ETHE1: variants seen among roughly 807,000 people sequenced by gnomAD.
ETHE1 encodes the protein ETHE1 persulfide dioxygenase, also known as persulfide dioxygenase ETHE1, mitochondrial.
ETHE1 carries 16 observed loss-of-function variants against 25.7 expected under a neutral mutation model. The ratio of observed to expected loss-of-function variants is 0.62; its 90% CI spans 0.42 to 0.95. The LOEUF is 0.95. ETHE1 is among the 40% of genes least tolerant of loss of function. The pLI, the probability that ETHE1 is intolerant of heterozygous loss-of-function variation, is 0.00. For synonymous variants in ETHE1, 139 were observed against 135.9 expected (o/e 1.02, Z -0.16); for missense variants, 300 against 333.6 (o/e 0.90, Z 0.79).
intron 3 of ETHE1, among the ~76,000 whole-genome samples, chr19:43,512,133 A>C (rs1971931196): frequency 6.6e-6 from 1 of 152,172 alleles, no homozygotes; most frequent in Non-Finnish European, 1.5e-5. Flanking sequence ...TTTTCTTTAT[A>C]AATGACCCAG....
Position 43,527,115 on chromosome 19 carries a change from G to A in ETHE1, c.63C>T (p.Ala21=). The A allele has an allele frequency of 6.4e-7, 1 of 1,557,524 alleles. No homozygotes were observed. Among genetic ancestry groups the A allele is most frequent in the Non-Finnish European group, 8.7e-7 (1 of 1,154,402 alleles). The change falls in exon 1 of 7, where the codon GCC becomes GCT. Residue 21 remains alanine, a synonymous_variant. Transcript: ENST00000292147. Reference sequence around the variant, plus strand: ...CCCGCACCTGCCGCAGGAGGATGGGGGCTCCAGACCCGCCGCGCTGGCTCA... The same window carrying A: ...CCCGCACCTGCCGCAGGAGGATGGGAGCTCCAGACCCGCCGCGCTGGCTCA... ...RQLSQRGGSG[A]PILLRQMFEP...
chr19:43,524,336 G>C (rs1421573310), intron 3 of ETHE1, among the ~76,000 whole-genome samples: 1 of 146,746 alleles, frequency 6.8e-6, no homozygotes. Context: ...AGTAAACCAA[G>C]ATCGCACCAC....
At chr19:43,511,999 C>T (rs1208530006) in intron 3 of ETHE1, among the ~76,000 whole-genome samples, 1 of 152,102 alleles carries the variant, frequency 6.6e-6, no homozygotes, top group African/African-American at 2.4e-5. Context: ...TTATAAAGGG[C>T]AGTTCCCCTG....
chr19:43,517,269 C>T (rs372605942), intron 3 of ETHE1, among the ~76,000 whole-genome samples: 7 of 148,904 alleles, frequency 4.7e-5, no homozygotes, highest in South Asian at 4.4e-4. Context: ...GATGAGTTTG[C>T]CCAACTGTAG....
chr19:43,508,085 A>G (rs767180237), intron 5 of ETHE1, 25 bp from the exon 6 acceptor site: 1 of 1,612,510 alleles, frequency 6.2e-7, no homozygotes, highest in Non-Finnish European at 8.5e-7. Flanking sequence ...AGGGGAAGGA[A>G]AGTCAAGGAG....
At chr19:43,523,706 T>C (rs1972181734) in intron 3 of ETHE1, among the ~76,000 whole-genome samples, 1 of 151,846 alleles carries the variant, frequency 6.6e-6, no homozygotes, top group Non-Finnish European at 1.5e-5. Flanking sequence ...GAGGTCAAGG[T>C]GTGCAGATCA....
chr19:43,516,116 C>T (rs963036083), intron 3 of ETHE1, among the ~76,000 whole-genome samples: 4 of 152,160 alleles, frequency 2.6e-5, no homozygotes, highest in Admixed American at 2.6e-4. Flanking sequence ...ATAACTAAAA[C>T]CACAGAAAGT....
intron 3 of ETHE1, among the ~76,000 whole-genome samples, chr19:43,520,638 T>C (rs1972120863): frequency 6.6e-6 from 1 of 151,484 alleles, no homozygotes; most frequent in Admixed American, 6.6e-5. Context: ...AGGTTGAGGC[T>C]GCAGTGAGCT....
chr19:43,508,118 A>G (rs557703870), intron 5 of ETHE1, 58 bp from the exon 6 acceptor site: 1 of 1,604,994 alleles, frequency 6.2e-7, no homozygotes, highest in African/African-American at 1.3e-5. Flanking sequence ...GGCCTCTCAG[A>G]ACTACATTCC....
At position 43,520,289 on chromosome 19, in the gene ETHE1, G is replaced by T. The variant is rs1228024245; in HGVS notation, c.375+5912C>A. On this transcript the variant is annotated intron_variant, in intron 3 of 6. Transcript: ENST00000292147. ...AGGCAAGAGAATCGCTTGAACCCAG[G>T]AGGCAGAGGTTGCAGTAAACCAAGA... Among the ~76,000 whole-genome samples the T allele has an allele frequency of 2.6e-5, 4 of 152,274 alleles. No homozygotes were observed. In the East Asian group the frequency reaches 5.8e-4, roughly 22 times the overall value.
chr19:43,518,440 T>C (rs890677111), intron 3 of ETHE1, among the ~76,000 whole-genome samples: 6 of 152,054 alleles, frequency 3.9e-5, no homozygotes, highest in African/African-American at 1.2e-4. Flanking sequence ...GAATATTTAA[T>C]AATGATATAA....
intron 3 of ETHE1, among the ~76,000 whole-genome samples, chr19:43,523,961 C>A (rs931384794): frequency 6.6e-6 from 1 of 151,740 alleles, no homozygotes; most frequent in Non-Finnish European, 1.5e-5. Flanking sequence ...TGTGCCTGGG[C>A]GCAGTGGCTC....
At chr19:43,526,788 G>T in intron 1 of ETHE1, 129 bp from the exon 2 acceptor site, 1 of 1,530,348 alleles carries the variant, frequency 6.5e-7, no homozygotes, top group Non-Finnish European at 8.8e-7. Context: ...CTTTCCCCGG[G>T]AGTCGGGAGT....
At chr19:43,513,789 T>G (rs1971967345) in intron 3 of ETHE1, among the ~76,000 whole-genome samples, 1 of 151,806 alleles carries the variant, frequency 6.6e-6, no homozygotes, top group East Asian at 1.9e-4. Flanking sequence ...TGGTGCAATC[T>G]TGGCTCACTG....
chr19:43,510,325 CTTTT>C (rs1208585595), intron 4 of ETHE1, among the ~76,000 whole-genome samples: 1 of 147,618 alleles, frequency 6.8e-6, no homozygotes, highest in South Asian at 2.1e-4. Flanking sequence ...TTAACAACTT[CTTTT>C]TTTATCTTTT....
intron 3 of ETHE1, among the ~76,000 whole-genome samples, chr19:43,517,775 CA>C (rs71336873): frequency 0.025 from 2,751 of 109,920 alleles, 23 homozygotes; most frequent in Middle Eastern, 0.064. Flanking sequence ...GACTCCGCCT[CA>C]AAAAAAAAAA....
chr19:43,522,174 C>T (rs941107065), intron 3 of ETHE1, among the ~76,000 whole-genome samples: 1 of 152,094 alleles, frequency 6.6e-6, no homozygotes, highest in Non-Finnish European at 1.5e-5. Flanking sequence ...GTAATCCCAA[C>T]ACTTTGGGAG....
At chr19:43,514,164 G>T (rs1180616517) in intron 3 of ETHE1, among the ~76,000 whole-genome samples, 1 of 152,054 alleles carries the variant, frequency 6.6e-6, no homozygotes, top group Non-Finnish European at 1.5e-5. Flanking sequence ...ATATGGTTTG[G>T]CTGTGTCCCC....
At chr19:43,512,754 C>A (rs975219899) in intron 3 of ETHE1, among the ~76,000 whole-genome samples, 6 of 146,704 alleles carry the variant, frequency 4.1e-5, no homozygotes, top group African/African-American at 1.2e-4. Context: ...GAAAAAAAAA[C>A]CCATTTTCTG....
Sources: allele counts gnomAD v4.1 joint callset (sites outside exome capture counted in the v4.1 genomes callset), GRCh38; gene constraint gnomAD v4.1.1; transcripts MANE v1.5; gene names NCBI Gene and HGNC (gene_info 2026-07-23, HGNC 2026-07-21).